Variants in PDE11A observed in about 807,000 individuals in gnomAD.
PDE11A encodes dual 3',5'-cyclic-AMP and -GMP phosphodiesterase 11A.
PDE11A carries 100 observed loss-of-function variants against 100.5 expected under a neutral mutation model. That is an observed-to-expected ratio of 1.00 (90% confidence interval 0.85 to 1.18). PDE11A has a LOEUF of 1.18. PDE11A is among the 50% of genes most tolerant of loss of function. The probability of loss-of-function intolerance (pLI) is 0.00; values close to 1 mark genes in which losing one functional copy is unlikely to be tolerated. For missense variants in PDE11A, 1,141 were observed against 1,152.6 expected, an observed-to-expected ratio of 0.99 and a Z score of 0.15; for synonymous variants, 381 against 420.8, an observed-to-expected ratio of 0.91 and a Z score of 1.16.
intron 5 of PDE11A, among the ~76,000 whole-genome samples, chr2:177,847,550 C>A (rs1388313430): frequency 6.6e-6 from 1 of 152,164 alleles, no homozygotes; most frequent in Non-Finnish European, 1.5e-5. Flanking sequence ...TGGTTCTTAG[C>A]TGCCATGTAT....
intron 19 of PDE11A, among the ~76,000 whole-genome samples, chr2:177,635,558 TTTTA>T (rs984319128): frequency 6.6e-6 from 1 of 152,210 alleles, no homozygotes; most frequent in African/African-American, 2.4e-5. Context: ...TTATTCCGTA[TTTTA>T]TTTATGTTTT....
intron 2 of PDE11A, among the ~76,000 whole-genome samples, chr2:178,010,790 G>A (rs750244331): frequency 5.9e-5 from 9 of 152,080 alleles, no homozygotes; most frequent in Non-Finnish European, 1.3e-4. Flanking sequence ...GAAATAACTG[G>A]GTTAAAACGT....
chr2:178,102,291 T>G (rs1416206690), intron 2 of PDE11A, among the ~76,000 whole-genome samples: 1 of 151,658 alleles, frequency 6.6e-6, no homozygotes, highest in African/African-American at 2.4e-5. Context: ...CATGCCTGGC[T>G]GATTTTTGTA....
intron 9 of PDE11A, among the ~76,000 whole-genome samples, chr2:177,809,162 G>A (rs1355249492): frequency 1.3e-5 from 2 of 152,110 alleles, no homozygotes; most frequent in Non-Finnish European, 2.9e-5. Flanking sequence ...TTGGGAAGAT[G>A]AAAAAGTTCT....
At chr2:177,989,047 C>T (rs902895781) in intron 2 of PDE11A, among the ~76,000 whole-genome samples, 4 of 152,188 alleles carry the variant, frequency 2.6e-5, no homozygotes, top group East Asian at 1.9e-4. Flanking sequence ...CTGCTAACTG[C>T]GTTCAAAGAT....
At chr2:177,848,015 C>T (rs1310467613) in intron 5 of PDE11A, among the ~76,000 whole-genome samples, 1 of 150,104 alleles carries the variant, frequency 6.7e-6, no homozygotes, top group Non-Finnish European at 1.5e-5. Flanking sequence ...TGTGTGTAGC[C>T]AACACATTAA....
intron 5 of PDE11A, among the ~76,000 whole-genome samples, chr2:177,847,096 G>A (rs1275868721): frequency 3.9e-5 from 6 of 151,916 alleles, no homozygotes; most frequent in Non-Finnish European, 8.8e-5. Context: ...CTCCTCTTGT[G>A]GCATGCCTTC....
intron 3 of PDE11A, among the ~76,000 whole-genome samples, chr2:177,901,373 A>G (rs988522057): frequency 4.6e-5 from 7 of 152,154 alleles, no homozygotes; most frequent in Non-Finnish European, 1.0e-4. Context: ...ATTATCCTTA[A>G]AAACTCTGAT....
intron 1 of PDE11A, among the ~76,000 whole-genome samples, chr2:178,015,477 A>T (rs2086323463): frequency 6.6e-6 from 1 of 152,214 alleles, no homozygotes; most frequent in African/African-American, 2.4e-5. Flanking sequence ...GAGCTATACC[A>T]ATTTAAAGAA....
At chr2:177,708,224 C>T (rs1405952029) in intron 13 of PDE11A, among the ~76,000 whole-genome samples, 2 of 68,502 alleles carry the variant, frequency 2.9e-5, no homozygotes, top group East Asian at 5.5e-4. Context: ...ATCCTAAATG[C>T]CCATCAATGA....
At chr2:177,881,160 C>T (rs1430923297) in intron 4 of PDE11A, among the ~76,000 whole-genome samples, 3 of 151,832 alleles carry the variant, frequency 2.0e-5, no homozygotes, top group Non-Finnish European at 3.0e-5. Flanking sequence ...CCATTTTTCC[C>T]CTGTCCTCAG....
intron 9 of PDE11A, among the ~76,000 whole-genome samples, chr2:177,814,573 G>T (rs2083006998): frequency 6.6e-6 from 1 of 152,118 alleles, no homozygotes; most frequent in African/African-American, 2.4e-5. Context: ...TTTCCACACT[G>T]GCACAAAATA....
intron 9 of PDE11A, among the ~76,000 whole-genome samples, chr2:177,796,295 G>T (rs752797616): frequency 6.6e-6 from 1 of 151,980 alleles, no homozygotes; most frequent in East Asian, 1.9e-4. Context: ...TTTCCGGGAC[G>T]ATGTCATTCA....
chr2:177,748,206 A>G (rs1358109710), intron 10 of PDE11A, among the ~76,000 whole-genome samples: 1 of 152,170 alleles, frequency 6.6e-6, no homozygotes, highest in African/African-American at 2.4e-5. Flanking sequence ...ATGATAAATA[A>G]TTTATTTAAG....
At chr2:178,053,086 C>T (rs2086849647) in intron 1 of PDE11A, among the ~76,000 whole-genome samples, 1 of 152,232 alleles carries the variant, frequency 6.6e-6, no homozygotes, top group Non-Finnish European at 1.5e-5. Flanking sequence ...GACCAATATC[C>T]CTGGTGAACA....
intron 2 of PDE11A, among the ~76,000 whole-genome samples, chr2:177,915,193 C>T (rs1452734447): frequency 3.3e-5 from 5 of 152,182 alleles, no homozygotes; most frequent in African/African-American, 9.7e-5. Flanking sequence ...AATACCGACA[C>T]ATTATTAACT....
intron 9 of PDE11A, among the ~76,000 whole-genome samples, chr2:177,795,975 A>ATATATATC (rs1432005488): frequency 3.7e-5 from 5 of 136,272 alleles, no homozygotes; most frequent in South Asian, 2.4e-4. Flanking sequence ...ATATATATAT[A>ATATATATC]TCTTTGCTTT....
At position 177,692,517 on chromosome 2, in the gene PDE11A, G is replaced by A. The variant is rs372635435; in HGVS notation, c.2345+4815C>T. ...TACCCCTGTTGCTGACAAGGAAACT[G>A]AGGCAAAGAGAGATCCGACTCTCAA... On this transcript the variant is annotated intron_variant, in intron 15 of 19. Coordinates refer to ENST00000286063, the MANE Select transcript of PDE11A (RefSeq NM_016953.4). 2.0e-5 allele frequency among the ~76,000 whole-genome samples: 3 copies of A among 152,294 alleles called. No homozygotes were observed. The South Asian group carries it at 6.2e-4, about 32-fold the overall frequency.
chr2:177,957,924 G>A (rs188825733), intron 2 of PDE11A, among the ~76,000 whole-genome samples: 8 of 21,400 alleles, frequency 3.7e-4, no homozygotes, highest in East Asian at 3.2e-3. Flanking sequence ...TTTTTGAGAC[G>A]GAGTCTCTTG....
Sources: gnomAD v4.1 joint callset for allele counts (sites outside exome capture counted in the v4.1 genomes callset) on GRCh38, gnomAD v4.1.1 for gene constraint, MANE v1.5 for transcripts, NCBI Gene and HGNC (gene_info 2026-07-23, HGNC 2026-07-21) for gene names.